The following MTSS1 variants were observed in gnomAD, a reference collection of about 807,000 sequenced individuals.
MTSS1 encodes MTSS I-BAR domain containing 1, also known as protein MTSS 1.
MTSS1 carries 18 observed loss-of-function variants against 79.0 expected under a neutral mutation model. The ratio of observed to expected loss-of-function variants is 0.23; its 90% CI spans 0.16 to 0.34. MTSS1 has a LOEUF of 0.34. MTSS1 is among the 10% of genes least tolerant of loss of function. The probability of loss-of-function intolerance (pLI) is 1.00; values close to 1 mark genes in which losing one functional copy is unlikely to be tolerated. For synonymous variants in MTSS1, 341 were observed against 368.6 expected, an observed-to-expected ratio of 0.93 and a Z score of 0.86; for missense variants, 815 against 986.2, an observed-to-expected ratio of 0.83 and a Z score of 2.33.
intron 3 of MTSS1, among the ~76,000 whole-genome samples, chr8:124,618,531 C>T (rs998311198): frequency 1.3e-5 from 2 of 152,044 alleles, no homozygotes; most frequent in African/African-American, 2.4e-5. Context: ...AGAGTAGACT[C>T]GGTGAACATG....
At chr8:124,687,822 A>G (rs537571398) in intron 3 of MTSS1, among the ~76,000 whole-genome samples, 2 of 152,354 alleles carry the variant, frequency 1.3e-5, no homozygotes, top group Non-Finnish European at 2.9e-5. Flanking sequence ...ACTTCTGACA[A>G]TCAGATTAAA....
intron 3 of MTSS1, among the ~76,000 whole-genome samples, chr8:124,681,183 AAC>A (rs1171198269): frequency 1.3e-5 from 2 of 151,626 alleles, no homozygotes; most frequent in African/African-American, 2.4e-5. Flanking sequence ...AGTCAAAAAC[AAC>A]ACAGAGAAGC....
chr8:124,681,077 G>T (rs1301808528), intron 3 of MTSS1, among the ~76,000 whole-genome samples: 1 of 152,072 alleles, frequency 6.6e-6, no homozygotes, highest in Non-Finnish European at 1.5e-5. Context: ...AGACTCCAAT[G>T]TCCTAGTGTC....
intron 10 of MTSS1, among the ~76,000 whole-genome samples, chr8:124,560,706 G>T (rs1236194353): frequency 6.6e-6 from 1 of 152,166 alleles, no homozygotes; most frequent in East Asian, 1.9e-4. Context: ...AGGACTGCAG[G>T]TTCAGATTTC....
intron 3 of MTSS1, among the ~76,000 whole-genome samples, chr8:124,657,337 G>A (rs1037691115): frequency 2.0e-5 from 3 of 151,910 alleles, no homozygotes; most frequent in Non-Finnish European, 2.9e-5. Flanking sequence ...GGTAAGTGGG[G>A]GTTCATCATA....
intron 1 of MTSS1, among the ~76,000 whole-genome samples, chr8:124,707,455 C>T (rs140978465): frequency 1.3e-5 from 2 of 151,584 alleles, no homozygotes; most frequent in African/African-American, 2.4e-5. Context: ...CGGTAGCTCA[C>T]GCCTGTAATC....
Position 124,715,816 on chromosome 8 carries a change from A to T in MTSS1, c.73-11625T>A, listed in dbSNP as rs114124855. ...TGGTTAAGAGCATGACTCTAGAGTC[A>T]GCCTGCCAATTCCAGATGTGCTCAC... is the stretch of plus-strand genomic sequence containing the variant. On this transcript the variant is annotated intron_variant, in intron 1 of 13. Transcript: ENST00000518547. Among the ~76,000 whole-genome samples, 363 of 152,336 alleles carry T rather than the reference A, an allele frequency of 2.4e-3. 2 individuals carry two copies. The highest frequency in any genetic ancestry group is 7.8e-3 in the African/African-American group (326 of 41,594).
intron 1 of MTSS1, among the ~76,000 whole-genome samples, chr8:124,722,238 T>C (rs1833055757): frequency 6.6e-6 from 1 of 152,024 alleles, no homozygotes; most frequent in African/African-American, 2.4e-5. Flanking sequence ...GGTGAGCCCA[T>C]CCACTTCTTC....
chr8:124,633,236 C>A (rs929251224), intron 3 of MTSS1, among the ~76,000 whole-genome samples: 1 of 152,140 alleles, frequency 6.6e-6, no homozygotes, highest in Middle Eastern at 3.2e-3. Context: ...GGGTTGTTGT[C>A]ATTTTAGGCA....
chr8:124,676,700 G>A lies in MTSS1; in HGVS notation c.208+22826C>T, dbSNP rs374497582. 7.2e-4 allele frequency among the ~76,000 whole-genome samples: 109 copies of A among 152,280 alleles called. 4 individuals are homozygous for A. In the South Asian group the frequency reaches 0.022, roughly 31 times the overall value. On this transcript the variant is annotated intron_variant, in intron 3 of 13. Coordinates refer to ENST00000518547, the MANE Select transcript of MTSS1 (RefSeq NM_014751.6). ...GAATCTTCAAGTATCAAGTGAAAAG[G>A]TCTCCGTTCCCTTGAATTCTTTTTT...
At chr8:124,693,723 C>T (rs9642873) in intron 3 of MTSS1, among the ~76,000 whole-genome samples, 54,668 of 152,056 alleles carry the variant, frequency 0.36, 10,576 homozygotes, top group Non-Finnish European at 0.41. Context: ...TGTAATTTTC[C>T]CTTTTCTCTT....
At chr8:124,598,346 AG>A (rs1833126586) in intron 3 of MTSS1, among the ~76,000 whole-genome samples, 1 of 152,208 alleles carries the variant, frequency 6.6e-6, no homozygotes, top group Admixed American at 6.5e-5. Context: ...TGTGTATTGT[AG>A]GATGTTTTGC....
At position 124,567,095 on chromosome 8, in the gene MTSS1, G is replaced by A; in HGVS notation, c.702C>T (p.His234=). Residue 234 remains histidine, a synonymous_variant, in exon 8 of 14, where the codon CAC becomes CAT. Coordinates refer to ENST00000518547, the MANE Select transcript of MTSS1 (RefSeq NM_014751.6). ...CCTGTTCACTTGAGGAGGGCAGTTT[G>A]TGAGGGTCCATGGTCAGGCTTTTTA... The part of the protein sequence containing the change: ...EDLKSLTMDP[H]KLPSSSEQVI... 1.9e-6 allele frequency: 3 copies of A among 1,613,896 alleles called. No individual in the cohort carries two copies. Among genetic ancestry groups the A allele is most frequent in the Non-Finnish European group, 2.5e-6 (3 of 1,179,760 alleles).
At chr8:124,719,584 C>T (rs1318554385) in intron 1 of MTSS1, among the ~76,000 whole-genome samples, 1 of 152,320 alleles carries the variant, frequency 6.6e-6, no homozygotes, top group Admixed American at 6.5e-5. Context: ...CCTCCACCCC[C>T]CAGCAGCACC....
intron 3 of MTSS1, among the ~76,000 whole-genome samples, chr8:124,600,226 C>T (rs1363026084): frequency 9.9e-5 from 15 of 151,604 alleles, no homozygotes. Context: ...CTCATCCATA[C>T]TTAATTCGAT....
intron 3 of MTSS1, among the ~76,000 whole-genome samples, chr8:124,686,284 C>A (rs978401921): frequency 6.6e-6 from 1 of 152,080 alleles, no homozygotes; most frequent in African/African-American, 2.4e-5. Context: ...GGAACTCAAG[C>A]GCTCTGTTCA....
At chr8:124,598,376 C>T (rs1466408735) in intron 3 of MTSS1, among the ~76,000 whole-genome samples, 1 of 152,166 alleles carries the variant, frequency 6.6e-6, no homozygotes, top group Non-Finnish European at 1.5e-5. Flanking sequence ...TGGCCTCTAC[C>T]CACTAGATGC....
chr8:124,614,357 T>C (rs937025620), intron 3 of MTSS1, among the ~76,000 whole-genome samples: 12 of 151,984 alleles, frequency 7.9e-5, no homozygotes, highest in Non-Finnish European at 1.2e-4. Context: ...TCTCAGGAGG[T>C]TTTACTCATC....
At chr8:124,611,466 A>G (rs1025098203) in intron 3 of MTSS1, among the ~76,000 whole-genome samples, 1 of 152,074 alleles carries the variant, frequency 6.6e-6, no homozygotes, top group African/African-American at 2.4e-5. Context: ...TCCCCCCATT[A>G]CAGTGAGGTT....
Sources: gnomAD v4.1 joint callset for allele counts (sites outside exome capture counted in the v4.1 genomes callset) on GRCh38, gnomAD v4.1.1 for gene constraint, MANE v1.5 for transcripts, NCBI Gene and HGNC (gene_info 2026-07-23, HGNC 2026-07-21) for gene names.